ANK2: variants seen among roughly 807,000 people sequenced by gnomAD.
ANK2 encodes ankyrin 2.
ANK2 carries 83 observed loss-of-function variants against 360.5 expected under a neutral mutation model. The observed-to-expected ratio is 0.23, with a 90% CI of 0.19 to 0.28. ANK2 has a LOEUF of 0.28. Among genes scored for constraint, ANK2 ranks in the 10% least tolerant of loss-of-function variants. The pLI, the probability that ANK2 is intolerant of heterozygous loss-of-function variation, is 1.00. For missense variants in ANK2, 4,201 were observed against 4,795.7 expected, an observed-to-expected ratio of 0.88 and a Z score of 3.66; for synonymous variants, 1,740 against 1,759.5, an observed-to-expected ratio of 0.99 and a Z score of 0.28.
At chr4:112,942,351 T>C (rs1195582333) in intron 2 of ANK2, among the ~76,000 whole-genome samples, 1 of 152,122 alleles carries the variant, frequency 6.6e-6, no homozygotes, top group East Asian at 1.9e-4. Flanking sequence ...AAGTCAGTGC[T>C]CAATATTTGT....
rs796238253 is a variant in ANK2, at chr4:113,240,418, C to T, written c.694-67C>T. On this transcript the variant is annotated intron_variant, in intron 7 of 45. Coordinates refer to ENST00000357077, the MANE Select transcript of ANK2 (RefSeq NM_001148.6). The stretch of plus-strand genomic sequence containing the variant: ...GACTTTTACCATGTGACCTTCTTCA[C>T]TAATACAATGGCTGCAACATAGAAA... The T allele has an allele frequency of 3.3e-6, 4 of 1,228,474 alleles. No homozygotes were observed. In the African/African-American group the frequency reaches 4.5e-5, roughly 14 times the overall value. The allele number at this position is 1,228,474 out of a possible 1,614,324, so 76.1% of individuals were successfully genotyped here. A position where few individuals can be genotyped will look rare whatever the true frequency, so the allele number is the denominator to read the frequency against.
At chr4:112,880,066 T>C (rs1474748662) in intron 1 of ANK2, among the ~76,000 whole-genome samples, 3 of 147,592 alleles carry the variant, frequency 2.0e-5, no homozygotes, top group African/African-American at 5.0e-5. Flanking sequence ...ACACACACTC[T>C]CTCTCTCTCA....
chr4:112,870,232 G>T (rs187716936), intron 1 of ANK2, among the ~76,000 whole-genome samples: 1 of 152,062 alleles, frequency 6.6e-6, no homozygotes. Context: ...GACCTCAAGT[G>T]ATCAGCCTAC....
chr4:112,949,636 T>C (rs959691154), intron 2 of ANK2, among the ~76,000 whole-genome samples: 2 of 152,156 alleles, frequency 1.3e-5, no homozygotes, highest in Non-Finnish European at 2.9e-5. Flanking sequence ...AAATAATTGA[T>C]CTCTATTTGG....
At chr4:113,248,836 T>C (rs1227739134) in intron 9 of ANK2, among the ~76,000 whole-genome samples, 1 of 152,206 alleles carries the variant, frequency 6.6e-6, no homozygotes, top group Non-Finnish European at 1.5e-5. Flanking sequence ...CTTGGGACAA[T>C]CTTTTTTTCT....
At chr4:113,328,530 A>T (rs2091239634) in intron 26 of ANK2, among the ~76,000 whole-genome samples, 1 of 152,272 alleles carries the variant, frequency 6.6e-6, no homozygotes, top group Non-Finnish European at 1.5e-5. Context: ...ATACTGGAAG[A>T]CTAGTAATAA....
intron 7 of ANK2, among the ~76,000 whole-genome samples, chr4:113,239,774 C>T (rs1228117120): frequency 6.6e-6 from 1 of 152,112 alleles, no homozygotes; most frequent in Non-Finnish European, 1.5e-5. Flanking sequence ...GGTTAAATTA[C>T]ACTTTATTGT....
intron 1 of ANK2, among the ~76,000 whole-genome samples, chr4:112,862,693 T>A (rs2068527482): frequency 6.6e-6 from 1 of 152,164 alleles, no homozygotes. Flanking sequence ...ATTCTTAGAT[T>A]TTTTTTGCAA....
intron 1 of ANK2, among the ~76,000 whole-genome samples, chr4:112,855,091 G>A (rs28524727): frequency 0.02 from 3,062 of 152,268 alleles, 92 homozygotes; most frequent in African/African-American, 0.064. Flanking sequence ...AAATTGCACT[G>A]TTAATAGGAG....
chr4:113,278,641 G>A, intron 17 of ANK2, 83 bp downstream of exon 17: 6 of 1,375,236 alleles, frequency 4.4e-6, no homozygotes, highest in Non-Finnish European at 6.2e-6. Context: ...TAAACACATG[G>A]TATAGTATAA....
chr4:113,301,406 C>T (rs546988559), intron 22 of ANK2, among the ~76,000 whole-genome samples: 1 of 126,302 alleles, frequency 7.9e-6, no homozygotes, highest in African/African-American at 2.8e-5. Flanking sequence ...CACACACACA[C>T]ACACACATTG....
the ANK2 span, among the ~76,000 whole-genome samples, chr4:112,806,387 C>A: frequency 6.6e-6 from 1 of 152,186 alleles, no homozygotes; most frequent in African/African-American, 2.4e-5. Context: ...GCATTTCATT[C>A]TTCTTATGCT....
chr4:112,966,440 TC>T (rs1307704194), intron 2 of ANK2, among the ~76,000 whole-genome samples: 1 of 151,938 alleles, frequency 6.6e-6, no homozygotes, highest in African/African-American at 2.4e-5. Context: ...TCTTTCCAGT[TC>T]TTTTCAAATG....
intron 1 of ANK2, among the ~76,000 whole-genome samples, chr4:113,070,713 C>A (rs1055005871): frequency 6.6e-6 from 1 of 152,086 alleles, no homozygotes; most frequent in Non-Finnish European, 1.5e-5. Flanking sequence ...TTTCTTCCAG[C>A]AAAGATCCAT....
At chr4:113,106,738 G>A in intron 1 of ANK2, 1 of 292,860 alleles carries the variant, frequency 3.4e-6, no homozygotes, top group Non-Finnish European at 6.7e-6. Context: ...AATCTAATGA[G>A]TGAGAAAGAT....
intron 1 of ANK2, among the ~76,000 whole-genome samples, chr4:113,095,156 G>A (rs991401346): frequency 2.0e-5 from 3 of 152,214 alleles, no homozygotes; most frequent in South Asian, 2.1e-4. Flanking sequence ...GTGGCAAGAA[G>A]TGCTCTGATG....
chr4:112,784,358 T>TG, the ANK2 span, among the ~76,000 whole-genome samples: 1 of 139,834 alleles, frequency 7.2e-6, no homozygotes, highest in Admixed American at 7.1e-5. Context: ...TGATTTTTTT[T>TG]TTTTTTTTTT....
intron 2 of ANK2, among the ~76,000 whole-genome samples, chr4:112,948,135 GTGT>G (rs2094675833): frequency 1.3e-5 from 2 of 151,974 alleles, no homozygotes; most frequent in Non-Finnish European, 2.9e-5. Context: ...ATGGACAAAA[GTGT>G]TTGTAGGTTG....
intron 1 of ANK2, among the ~76,000 whole-genome samples, chr4:113,063,420 G>C (rs549158390): frequency 6.6e-6 from 1 of 152,010 alleles, no homozygotes; most frequent in African/African-American, 2.4e-5. Context: ...TCTAGTCAAG[G>C]TTTGCATTTC....
Sources: gnomAD v4.1 joint callset for allele counts (sites outside exome capture counted in the v4.1 genomes callset) on GRCh38, gnomAD v4.1.1 for gene constraint, MANE v1.5 for transcripts, NCBI Gene and HGNC (gene_info 2026-07-23, HGNC 2026-07-21) for gene names.